CDH18: variants seen among roughly 807,000 people sequenced by gnomAD.
The protein encoded by CDH18 is cadherin-18.
In CDH18, 31 loss-of-function variants were observed where a neutral mutation model predicts 67.9. That is an observed-to-expected ratio of 0.46 (90% CI 0.34 to 0.62). CDH18 has a LOEUF of 0.62. CDH18 is among the 20% of genes least tolerant of loss of function. The pLI is 0.01. For synonymous variants in CDH18, 362 were observed against 347.2 expected, an observed-to-expected ratio of 1.04 and a Z score of -0.48; for missense variants, 890 against 975.5, an observed-to-expected ratio of 0.91 and a Z score of 1.17.
intron 2 of CDH18, among the ~76,000 whole-genome samples, chr5:20,036,722 C>G (rs1008660326): frequency 6.6e-6 from 1 of 152,056 alleles, no homozygotes; most frequent in African/African-American, 2.4e-5. Flanking sequence ...GTGTTAAAGT[C>G]TCCCACTATT....
intron 1 of CDH18, among the ~76,000 whole-genome samples, chr5:20,485,634 A>T (rs1327221492): frequency 2.1e-5 from 3 of 141,304 alleles, no homozygotes; most frequent in Non-Finnish European, 3.2e-5. Flanking sequence ...TTCTTCCATC[A>T]AAATCTATCT....
intron 2 of CDH18, among the ~76,000 whole-genome samples, chr5:19,934,135 A>T (rs1292639792): frequency 6.6e-6 from 1 of 151,418 alleles, no homozygotes; most frequent in Non-Finnish European, 1.5e-5. Flanking sequence ...GTTATCAAAG[A>T]ATACAATAAA....
At chr5:20,008,483 G>T (rs1737123728) in intron 2 of CDH18, among the ~76,000 whole-genome samples, 1 of 152,140 alleles carries the variant, frequency 6.6e-6, no homozygotes. Context: ...TGGGCAATCT[G>T]TTCTTTGAGG....
intron 6 of CDH18, among the ~76,000 whole-genome samples, chr5:19,606,505 A>G (rs895983721): frequency 1.7e-4 from 26 of 152,080 alleles, no homozygotes; most frequent in African/African-American, 5.3e-4. Context: ...AAATTTTAGA[A>G]CAAAAATGTC....
intron 1 of CDH18, among the ~76,000 whole-genome samples, chr5:20,295,111 T>TA (rs1161533635): frequency 5.3e-5 from 8 of 152,156 alleles, no homozygotes; most frequent in African/African-American, 1.7e-4. Flanking sequence ...TGTTTTAAGA[T>TA]AAAAAATGGC....
At chr5:20,391,365 T>C (rs945092848) in intron 1 of CDH18, among the ~76,000 whole-genome samples, 2 of 151,718 alleles carry the variant, frequency 1.3e-5, no homozygotes, top group African/African-American at 4.8e-5. Flanking sequence ...TATCTAAAAA[T>C]TAGGAATGCT....
At chr5:19,627,335 A>G (rs1472872767) in intron 5 of CDH18, among the ~76,000 whole-genome samples, 1 of 152,236 alleles carries the variant, frequency 6.6e-6, no homozygotes, top group African/African-American at 2.4e-5. Flanking sequence ...AATTGAGACG[A>G]ACATCATTTA....
chr5:19,499,842 C>T (rs1246961487), intron 11 of CDH18, among the ~76,000 whole-genome samples: 2 of 151,902 alleles, frequency 1.3e-5, no homozygotes, highest in East Asian at 1.9e-4. Flanking sequence ...TGTGCCCTTG[C>T]TTTTTGTCAT....
intron 2 of CDH18, among the ~76,000 whole-genome samples, chr5:20,090,471 G>C (rs1267758703): frequency 6.6e-6 from 1 of 152,078 alleles, no homozygotes; most frequent in East Asian, 1.9e-4. Flanking sequence ...GGAGGCAGAG[G>C]CTGCAATGAG....
At chr5:19,496,907 G>A (rs1357153961) in intron 11 of CDH18, among the ~76,000 whole-genome samples, 1 of 151,122 alleles carries the variant, frequency 6.6e-6, no homozygotes, top group Non-Finnish European at 1.5e-5. Context: ...GTCCAAAGGT[G>A]TCATCTTGGA....
At chr5:19,733,004 C>T (rs1767822355) in intron 4 of CDH18, among the ~76,000 whole-genome samples, 1 of 152,098 alleles carries the variant, frequency 6.6e-6, no homozygotes, top group Non-Finnish European at 1.5e-5. Context: ...CCCAAAACAG[C>T]ATCCCCTGTC....
chr5:19,530,120 T>A (rs1748359158), intron 9 of CDH18, among the ~76,000 whole-genome samples: 1 of 152,204 alleles, frequency 6.6e-6, no homozygotes, highest in East Asian at 1.9e-4. Context: ...AGCCCAGAAA[T>A]TGATAAATAC....
At chr5:20,291,215 A>G (rs1412865152) in intron 1 of CDH18, among the ~76,000 whole-genome samples, 1 of 152,154 alleles carries the variant, frequency 6.6e-6, no homozygotes, top group Non-Finnish European at 1.5e-5. Context: ...TTAATTGAGT[A>G]TAAAATTCTG....
At chr5:19,754,925 A>C (rs1240895541) in intron 3 of CDH18, among the ~76,000 whole-genome samples, 1 of 152,164 alleles carries the variant, frequency 6.6e-6, no homozygotes, top group Non-Finnish European at 1.5e-5. Flanking sequence ...TGGGTCAAAA[A>C]CAAAAGGATG....
intron 2 of CDH18, among the ~76,000 whole-genome samples, chr5:20,014,926 C>T (rs2150421321): frequency 6.6e-6 from 1 of 152,166 alleles, no homozygotes; most frequent in Non-Finnish European, 1.5e-5. Flanking sequence ...ATCTAGAGAG[C>T]ATCCTCAACA....
chr5:19,736,648 A>C (rs192225971), intron 4 of CDH18, among the ~76,000 whole-genome samples: 38 of 152,290 alleles, frequency 2.5e-4, no homozygotes, highest in Admixed American at 7.8e-4. Context: ...AATTACTACA[A>C]ACGTTGCATA....
At chr5:20,574,453 T>C (rs896667922) in intron 1 of CDH18, among the ~76,000 whole-genome samples, 4 of 151,968 alleles carry the variant, frequency 2.6e-5, no homozygotes, top group African/African-American at 9.7e-5. Flanking sequence ...GTCAGAGCAA[T>C]TCTCGGGGTA....
chr5:20,439,218 A>T (rs1349714362), intron 1 of CDH18, among the ~76,000 whole-genome samples: 5 of 151,590 alleles, frequency 3.3e-5, no homozygotes, highest in African/African-American at 1.2e-4. Context: ...TCCCTATAAT[A>T]TTCATTGGGA....
intron 1 of CDH18, among the ~76,000 whole-genome samples, chr5:20,477,947 G>T (rs1021640669): frequency 2.0e-5 from 3 of 152,124 alleles, no homozygotes; most frequent in Non-Finnish European, 4.4e-5. Flanking sequence ...GAGTCCTGAG[G>T]CCCCTATTCT....
Sources: gnomAD v4.1 joint callset for allele counts (sites outside exome capture counted in the v4.1 genomes callset) on GRCh38, gnomAD v4.1.1 for gene constraint, MANE v1.5 for transcripts, NCBI Gene and HGNC (gene_info 2026-07-23, HGNC 2026-07-21) for gene names.